The following PCDHGB1 variants were observed in gnomAD, a reference collection of about 807,000 sequenced individuals.
PCDHGB1 encodes protocadherin gamma-B1.
PCDHGB1 carries 34 observed loss-of-function variants against 56.6 expected under a neutral mutation model. The ratio of observed to expected loss-of-function variants is 0.60; its 90% CI spans 0.46 to 0.80. The LOEUF (loss-of-function observed/expected upper bound fraction) is 0.80, where lower values mean the gene tolerates loss of function less well. PCDHGB1 is among the 30% of genes least tolerant of loss of function. The probability of loss-of-function intolerance (pLI) is 0.00; values close to 1 mark genes in which losing one functional copy is unlikely to be tolerated. For synonymous variants in PCDHGB1, 561 were observed against 505.9 expected (o/e 1.11, Z -1.46); for missense variants, 1,278 against 1,204.6 (o/e 1.06, Z -0.90).
chr5:141,449,154 A>G (rs2098630387), intron 1 of PCDHGB1, among the ~76,000 whole-genome samples: 1 of 152,180 alleles, frequency 6.6e-6, no homozygotes, highest in African/African-American at 2.4e-5. Flanking sequence ...TGGGTCAAAG[A>G]GGAAATAGGT....
rs541220236 is a variant in PCDHGB1, at chr5:141,382,835, C to A, written c.2409+30166C>A. On this transcript the variant is annotated intron_variant, in intron 1 of 3. Transcript: ENST00000523390. Reference sequence around the variant, plus strand: ...CCTTCCTAAGACAGAGGGGTCCACCCGGATACACCCGCATTCTGAAGCACT... The same window carrying A: ...CCTTCCTAAGACAGAGGGGTCCACCAGGATACACCCGCATTCTGAAGCACT... The A allele has an allele frequency of 2.7e-4, 387 of 1,431,176 alleles. 2 individuals carry two copies. In the Middle Eastern group the frequency reaches 2.8e-3, roughly 10 times the overall value. The allele number at this position is 1,431,176 out of a possible 1,614,324, so 88.7% of individuals were successfully genotyped here. A position where few individuals can be genotyped will look rare whatever the true frequency, so the allele number is the denominator to read the frequency against.
chr5:141,380,571 T>C (rs529430145), intron 1 of PCDHGB1, among the ~76,000 whole-genome samples: 2 of 152,352 alleles, frequency 1.3e-5, no homozygotes, highest in African/African-American at 4.8e-5. Context: ...ATTAAACATA[T>C]CTTGGCGGTC....
chr5:141,464,328 C>T (rs2099081878), intron 1 of PCDHGB1, among the ~76,000 whole-genome samples: 1 of 150,722 alleles, frequency 6.6e-6, no homozygotes, highest in Admixed American at 6.6e-5. Context: ...CTGTTCAACC[C>T]ATCTATGACT....
intron 1 of PCDHGB1, among the ~76,000 whole-genome samples, chr5:141,430,243 T>C (rs1020416761): frequency 5.6e-5 from 6 of 106,478 alleles, no homozygotes; most frequent in African/African-American, 3.0e-4. Flanking sequence ...GAGAAACTCC[T>C]AGGGAGACAT....
chr5:141,498,684 C>T (rs1255085852), intron 2 of PCDHGB1, among the ~76,000 whole-genome samples: 1 of 152,192 alleles, frequency 6.6e-6, no homozygotes, highest in South Asian at 2.1e-4. Flanking sequence ...GTAATCCCAG[C>T]ACTTTGGGAG....
rs755930967 is a variant in PCDHGB1, at chr5:141,388,629, G to C, written c.2409+35960G>C. On this transcript the variant is annotated intron_variant, in intron 1 of 3. Transcript: ENST00000523390. ...AGTGTTCAGTCAAGACGTATACAGG[G>C]TGAGCCTTTCAGAAAACGTGTACCC... 13 of 1,613,824 alleles carry C rather than the reference G, an allele frequency of 8.1e-6. No individual in the cohort carries two copies. Among genetic ancestry groups the C allele is most frequent in the African/African-American group, 1.3e-5 (1 of 74,914 alleles).
At chr5:141,374,401 T>C in intron 1 of PCDHGB1, 7 of 1,614,060 alleles carry the variant, frequency 4.3e-6, no homozygotes, top group Non-Finnish European at 5.1e-6. Flanking sequence ...TGGTGAGTTT[T>C]AACATCCTTG....
intron 1 of PCDHGB1, chr5:141,478,167 G>A: frequency 6.2e-7 from 1 of 1,613,772 alleles, no homozygotes; most frequent in Non-Finnish European, 8.5e-7. Context: ...TCTGCCCCCC[G>A]GGAGCAGAAA....
intron 1 of PCDHGB1, chr5:141,413,940 TC>T (rs1190444840): frequency 1.2e-6 from 2 of 1,613,390 alleles, no homozygotes; most frequent in East Asian, 2.2e-5. Context: ...GAGTGAGTGT[TC>T]CTGAGAATTT....
In PCDHGB1 at chr5:141,490,453, T is replaced by C; in HGVS notation, c.2410-4354T>C. 6.2e-7 allele frequency: 1 copy of C among 1,614,178 alleles called. No homozygotes were observed. Among genetic ancestry groups the C allele is most frequent in the Non-Finnish European group, 8.5e-7 (1 of 1,180,042 alleles). ...GATTAAGCCTTCTGAGAACCACTAC[T>C]CGCTGCTAACCAGCCAGCCTTTGGA... On this transcript the variant is annotated intron_variant, in intron 1 of 3. Coordinates refer to ENST00000523390, the MANE Select transcript of PCDHGB1 (RefSeq NM_018922.3). This position sits in a 1 kb window ranked among gnomAD's most constrained non-coding sequence, Gnocchi z 5.4.
chr5:141,462,652 A>T (rs201168659), intron 1 of PCDHGB1, among the ~76,000 whole-genome samples: 1 of 80,348 alleles, frequency 1.2e-5, no homozygotes, highest in African/African-American at 7.4e-5. Flanking sequence ...TTCCATCCTC[A>T]ATTATCTTCA....
chr5:141,477,857 C>T lies in PCDHGB1; in HGVS notation c.2410-16950C>T. ...AGGTGGGAGCTCGGTGGAGATGCTG[C>T]CTCGAGGTACCTCAGCTGGCCACCT... On this transcript the variant is annotated intron_variant, in intron 1 of 3. Transcript: ENST00000523390. The surrounding 1 kb of genome is among the most constrained non-coding windows in gnomAD (Gnocchi z 4.9). The T allele has an allele frequency of 6.2e-7, 1 of 1,613,574 alleles. No individual in the cohort carries two copies. The highest frequency in any genetic ancestry group is 8.5e-7 in the Non-Finnish European group (1 of 1,179,836).
chr5:141,392,841 C>A (rs1464167244), intron 1 of PCDHGB1: 2 of 1,608,680 alleles, frequency 1.2e-6, no homozygotes, highest in Non-Finnish European at 1.7e-6. Flanking sequence ...TCGCCCCAGA[C>A]GCGGCGAGCT....
intron 1 of PCDHGB1, chr5:141,418,549 C>T: frequency 6.2e-7 from 1 of 1,614,024 alleles, no homozygotes; most frequent in Non-Finnish European, 8.5e-7. Context: ...AGATAAGAAT[C>T]CTGGTAATAG....
rs373163257 is a variant in PCDHGB1 at position 141,383,286 on chromosome 5, C to A, written c.2409+30617C>A. 1 of 1,613,888 alleles carries A rather than the reference C, an allele frequency of 6.2e-7. No individual in the cohort carries two copies. The highest frequency in any genetic ancestry group is 8.5e-7 in the Non-Finnish European group (1 of 1,179,856). Reference sequence around the variant, plus strand: ...TGGAAATAATAGATATTAATGACAACGTTCCAAGATTCTTGACGGAAGAAA... The same window carrying A: ...TGGAAATAATAGATATTAATGACAAAGTTCCAAGATTCTTGACGGAAGAAA... On this transcript the variant is annotated intron_variant, in intron 1 of 3. Transcript: ENST00000523390.
At position 141,499,673 on chromosome 5, in the gene PCDHGB1, C is replaced by A. The variant is rs1193484216; in HGVS notation, c.2468+4808C>A. Among the ~76,000 whole-genome samples the A allele has an allele frequency of 2.7e-5, 4 of 150,550 alleles. No individual in the cohort carries two copies. In the East Asian group the frequency reaches 7.8e-4, roughly 29 times the overall value. On this transcript the variant is annotated intron_variant, in intron 2 of 3. Transcript: ENST00000523390. ...CATATAATTTCATCTTGGTCTCCACCATCTTTAACAGATGACTTTTTTTTT... is the reference window on the plus strand; with the variant it reads ...CATATAATTTCATCTTGGTCTCCACAATCTTTAACAGATGACTTTTTTTTT...
intron 1 of PCDHGB1, chr5:141,389,758 G>A: frequency 1.2e-6 from 2 of 1,612,792 alleles, no homozygotes; most frequent in Non-Finnish European, 1.7e-6. Flanking sequence ...GGCGAAGTGC[G>A]CACAGCGCGT....
rs765249445 is a variant in PCDHGB1, at chr5:141,489,754, C to T, written c.2410-5053C>T. ...CACCAATACTGTGAGCTTTTACACT[C>T]TAAGCCCCAACAGCCACTTCTCTCT... is the stretch of plus-strand genomic sequence containing the variant. On this transcript the variant is annotated intron_variant, in intron 1 of 3. Coordinates refer to ENST00000523390, the MANE Select transcript of PCDHGB1 (RefSeq NM_018922.3). The surrounding 1 kb of genome is among the most constrained non-coding windows in gnomAD (Gnocchi z 4.5). The T allele has an allele frequency of 4.0e-5, 64 of 1,613,992 alleles. No individual in the cohort carries two copies. The South Asian group carries it at 6.8e-4, about 17-fold the overall frequency.
chr5:141,469,314 C>T (rs982242861), intron 1 of PCDHGB1, among the ~76,000 whole-genome samples: 3 of 152,100 alleles, frequency 2.0e-5, no homozygotes, highest in Admixed American at 1.3e-4. Context: ...CGATGGCTCA[C>T]GCCTGTAATC....
Sources: allele counts gnomAD v4.1 joint callset (sites outside exome capture counted in the v4.1 genomes callset), GRCh38; gene constraint gnomAD v4.1.1; non-coding constraint Gnocchi (gnomAD v3.1); transcripts MANE v1.5; gene names NCBI Gene and HGNC (gene_info 2026-07-23, HGNC 2026-07-21).